The following TDRD5 variants were observed in gnomAD, a reference collection of about 807,000 sequenced individuals.
TDRD5 encodes the protein tudor domain-containing protein 5.
In TDRD5, 41 loss-of-function variants were observed where a neutral mutation model predicts 120.6. The observed-to-expected ratio is 0.34, with a 90% CI of 0.26 to 0.44. The LOEUF is 0.44. TDRD5 is among the 20% of genes least tolerant of loss of function. The pLI is 1.00. For synonymous variants in TDRD5, 430 were observed against 433.7 expected, an observed-to-expected ratio of 0.99 and a Z score of 0.11; for missense variants, 1,006 against 1,221.2, an observed-to-expected ratio of 0.82 and a Z score of 2.63.
intron 4 of TDRD5, among the ~76,000 whole-genome samples, chr1:179,614,738 C>CG (rs1676473670): frequency 6.6e-6 from 1 of 151,560 alleles, no homozygotes; most frequent in Non-Finnish European, 1.5e-5. Context: ...TTGTGACACT[C>CG]GGGGGAGGGG....
At chr1:179,604,482 G>A (rs933615147) in intron 4 of TDRD5, among the ~76,000 whole-genome samples, 3 of 151,882 alleles carry the variant, frequency 2.0e-5, no homozygotes, top group African/African-American at 4.8e-5. Context: ...ATGTCAGTTT[G>A]TGCTCTTTCA....
At chr1:179,659,965 G>A (rs1679211994) in intron 14 of TDRD5, among the ~76,000 whole-genome samples, 1 of 151,640 alleles carries the variant, frequency 6.6e-6, no homozygotes, top group African/African-American at 2.4e-5. Flanking sequence ...CAAAGTGCTG[G>A]GATTACAGGC....
chr1:179,620,781 C>T (rs1297728081), intron 5 of TDRD5, among the ~76,000 whole-genome samples: 1 of 151,968 alleles, frequency 6.6e-6, no homozygotes, highest in East Asian at 1.9e-4. Flanking sequence ...GCAGGAATTT[C>T]TGGAGAGTTG....
intron 4 of TDRD5, among the ~76,000 whole-genome samples, chr1:179,596,945 C>T (rs1343676948): frequency 1.3e-5 from 2 of 152,168 alleles, no homozygotes; most frequent in Non-Finnish European, 2.9e-5. Flanking sequence ...GTAGTTGTTA[C>T]ACATCTTTGT....
intron 11 of TDRD5, 105 bp from the exon 12 acceptor site, chr1:179,650,762 A>G (rs1678667883): frequency 1.7e-6 from 2 of 1,183,812 alleles, no homozygotes; most frequent in Non-Finnish European, 2.5e-6. Context: ...TTATGGTTTT[A>G]TTTCCACTTA....
In TDRD5 at chr1:179,670,862, C is replaced by T. The variant is rs1471874883; in HGVS notation, c.2860+1458C>T. On this transcript the variant is annotated intron_variant, in intron 17 of 17. Transcript: ENST00000444136. Reference sequence around the variant, plus strand: ...TTGCCTTTTAGTATCTTTGGAAGAGCAAAAGTTTTCAAGTCCAGTTTATTG... The same window carrying T: ...TTGCCTTTTAGTATCTTTGGAAGAGTAAAAGTTTTCAAGTCCAGTTTATTG... 3.3e-5 allele frequency among the ~76,000 whole-genome samples: 5 copies of T among 152,142 alleles called. No individual in the cohort carries two copies. In the East Asian group the frequency reaches 9.6e-4, roughly 29 times the overall value.
rs148734570 is a variant in TDRD5 at position 179,638,194 on chromosome 1, A to G, written c.1521-1645A>G. On this transcript the variant is annotated intron_variant, in intron 9 of 17. Coordinates refer to ENST00000444136, the MANE Select transcript of TDRD5 (RefSeq NM_001199085.3). Reference sequence around the variant, plus strand: ...ATTCTGGGGAAGCACTGATGGTTTTAAGAAAGCCATTGGAGTGAAGGGATG... The same window carrying G: ...ATTCTGGGGAAGCACTGATGGTTTTGAGAAAGCCATTGGAGTGAAGGGATG... Among the ~76,000 whole-genome samples the G allele has an allele frequency of 6.9e-3, 908 of 131,652 alleles. 190 individuals carry two copies. The highest frequency in any genetic ancestry group is 0.023 in the African/African-American group (866 of 37,316). 86.4% of individuals were successfully genotyped at this position (131,652 alleles called of 152,430 possible).
intron 11 of TDRD5, among the ~76,000 whole-genome samples, chr1:179,640,997 T>A (rs1354922660): frequency 1.3e-5 from 2 of 152,160 alleles, no homozygotes; most frequent in African/African-American, 2.4e-5. Flanking sequence ...GTTTTCAAGA[T>A]AATTCTCTAG....
At chr1:179,636,528 A>C (rs1677772687) in intron 9 of TDRD5, among the ~76,000 whole-genome samples, 1 of 152,226 alleles carries the variant, frequency 6.6e-6, no homozygotes, top group African/African-American at 2.4e-5. Flanking sequence ...CAATAGCAGA[A>C]TATTAAAGCA....
intron 13 of TDRD5, among the ~76,000 whole-genome samples, chr1:179,652,699 C>T (rs1301110156): frequency 2.0e-5 from 3 of 152,124 alleles, no homozygotes; most frequent in Admixed American, 6.5e-5. Flanking sequence ...CAGGTTTATA[C>T]TTTCATATCT....
In TDRD5 at chr1:179,593,695, A is replaced by T. The variant is rs374262317; in HGVS notation, c.468A>T (p.Ala156=). Residue 156 remains alanine, a synonymous_variant, in exon 3 of 18, where the codon GCA becomes GCT. Coordinates refer to ENST00000444136, the MANE Select transcript of TDRD5 (RefSeq NM_001199085.3). ...TTCTTCTTTCTGATTTTGAAAAGGC[A>T]TTTGCCAAAAGATTTGGACGATCAT... ...SPVLLSDFEK[A]FAKRFGRSFQ... is the part of the protein sequence containing the mutation. 2 of 1,614,234 alleles carry T rather than the reference A, an allele frequency of 1.2e-6. No homozygotes were observed. The highest frequency in any genetic ancestry group is 1.7e-6 in the Non-Finnish European group (2 of 1,180,040).
intron 14 of TDRD5, among the ~76,000 whole-genome samples, chr1:179,659,469 T>C (rs1187446065): frequency 1.3e-5 from 2 of 151,846 alleles, no homozygotes; most frequent in East Asian, 1.9e-4. Context: ...TTTATCATTA[T>C]GAAATGTCTT....
chr1:179,673,029 T>G (rs914036987), intron 17 of TDRD5, among the ~76,000 whole-genome samples: 1 of 152,204 alleles, frequency 6.6e-6, no homozygotes, highest in Non-Finnish European at 1.5e-5. Context: ...TCAGGTAATG[T>G]GATGTCTCCA....
intron 11 of TDRD5, among the ~76,000 whole-genome samples, chr1:179,643,290 A>C (rs1476085827): frequency 6.6e-6 from 1 of 152,180 alleles, no homozygotes; most frequent in African/African-American, 2.4e-5. Flanking sequence ...AACATTGATA[A>C]TGTTTACTAT....
chr1:179,661,547 A>G (rs1422789200), intron 14 of TDRD5, among the ~76,000 whole-genome samples: 1 of 152,120 alleles, frequency 6.6e-6, no homozygotes, highest in East Asian at 1.9e-4. Context: ...ATTCCTTAAT[A>G]ATTTTTTATT....
upstream of TDRD5, chr1:179,591,696 C>G (rs1370080804): frequency 6.6e-6 from 1 of 152,332 alleles, no homozygotes; most frequent in East Asian, 1.9e-4. Context: ...GGCCCAGCGG[C>G]TCCTGAGACT....
intron 3 of TDRD5, among the ~76,000 whole-genome samples, chr1:179,595,358 A>C (rs960349358): frequency 2.0e-5 from 3 of 152,060 alleles, no homozygotes; most frequent in Non-Finnish European, 4.4e-5. Flanking sequence ...CCACCTCTCT[A>C]TAATTAGATT....
chr1:179,593,343 G>A (rs918867115), intron 2 of TDRD5, 117 bp from the exon 3 acceptor site: 6 of 1,137,198 alleles, frequency 5.3e-6, no homozygotes, highest in South Asian at 3.4e-5. Context: ...ACTGTTTATC[G>A]TGCTGCCTGG....
chr1:179,673,826 A>G lies in TDRD5; in HGVS notation c.2860+4422A>G, dbSNP rs1212553769. ...TGGGGGTGCAAGATATTTTCCTTTCACAAGTTCTTGATTTGATTCTCAGCT... is the reference window on the plus strand; with the variant it reads ...TGGGGGTGCAAGATATTTTCCTTTCGCAAGTTCTTGATTTGATTCTCAGCT... On this transcript the variant is annotated intron_variant, in intron 17 of 17. Transcript: ENST00000444136. Among the ~76,000 whole-genome samples, 5 of 152,166 alleles carry G rather than the reference A, an allele frequency of 3.3e-5. No individual in the cohort carries two copies. In the South Asian group the frequency reaches 1.0e-3, roughly 32 times the overall value.
Sources: allele counts gnomAD v4.1 joint callset (sites outside exome capture counted in the v4.1 genomes callset), GRCh38; gene constraint gnomAD v4.1.1; transcripts MANE v1.5; gene names NCBI Gene and HGNC (gene_info 2026-07-23, HGNC 2026-07-21).